KIF26A: variants seen among roughly 807,000 people sequenced by gnomAD.
KIF26A encodes the protein kinesin family member 26A, also known as kinesin-like protein KIF26A.
KIF26A carries 74 observed loss-of-function variants against 126.0 expected under a neutral mutation model. The observed-to-expected ratio is 0.59, with a 90% CI of 0.49 to 0.71. The LOEUF is 0.71. KIF26A is among the 30% of genes least tolerant of loss of function. The probability of loss-of-function intolerance (pLI) is 0.00; values close to 1 mark genes in which losing one functional copy is unlikely to be tolerated. For missense variants in KIF26A, 2,984 were observed against 2,763.3 expected (o/e 1.08, Z -1.79); for synonymous variants, 1,445 against 1,232.7 (o/e 1.17, Z -3.61).
At position 104,177,426 on chromosome 14, in the gene KIF26A, G is replaced by C. The variant is rs747733262; in HGVS notation, c.4638G>C (p.Ala1546=). The C allele has an allele frequency of 6.6e-7, 1 of 1,514,744 alleles. No homozygotes were observed. Among genetic ancestry groups the C allele is most frequent in the Non-Finnish European group, 8.8e-7 (1 of 1,135,388 alleles). The allele number at this position is 1,514,744 out of a possible 1,614,324, so 93.8% of individuals were successfully genotyped here. The change falls in exon 12 of 15, where the codon GCG becomes GCC. Residue 1546 remains alanine (A), a synonymous_variant. Coordinates refer to ENST00000423312, the MANE Select transcript of KIF26A (RefSeq NM_015656.2). ...CACGGGCCGGGCCCAGTGTCGGGGC[G>C]AAGGCTGGCCGGGGTACCGTCATGG... ...AAPRAGPSVG[A]KAGRGTVMGT...
intron 4 of KIF26A, among the ~76,000 whole-genome samples, chr14:104,164,071 C>T (rs2037857889): frequency 1.3e-5 from 2 of 152,266 alleles, no homozygotes; most frequent in Admixed American, 6.5e-5. Flanking sequence ...GGAGGAAAGC[C>T]GTCCCTGGGG....
At position 104,176,634 on chromosome 14, in the gene KIF26A, A is replaced by C; in HGVS notation, c.3846A>C (p.Arg1282Ser). Residue 1282 changes from arginine to serine, a missense_variant, in exon 12 of 15, where the codon AGA becomes AGC. Arg to Ser is a moderately radical substitution (Grantham distance 110). Coordinates refer to ENST00000423312, the MANE Select transcript of KIF26A (RefSeq NM_015656.2). ...AGGTGATGCTAGCCTGTGCCCAGAG[A>C]GTGGTGGACGGGTGTGAGGTGGCAG... ...EAQVMLACAQ[R>S]VVDGCEVAAR... 3 of 1,606,810 alleles carry C rather than the reference A, an allele frequency of 1.9e-6. No individual in the cohort carries two copies. In the South Asian group the frequency reaches 3.3e-5, roughly 18 times the overall value.
intron 7 of KIF26A, 105 bp from the exon 8 acceptor site, chr14:104,172,872 G>GGCCCCTGAGATCTCGGT: frequency 7.2e-7 from 1 of 1,394,226 alleles, no homozygotes; most frequent in Non-Finnish European, 9.5e-7. Context: ...GATCCAAAGA[G>GGCCCCTGAGATCTCGGT]GCCCCTGAGA....
At chr14:104,161,866 C>G (rs1490015656) in intron 4 of KIF26A, among the ~76,000 whole-genome samples, 2 of 152,212 alleles carry the variant, frequency 1.3e-5, no homozygotes, top group Non-Finnish European at 2.9e-5. Flanking sequence ...TTTTCTGAGT[C>G]TTCCCTTCAG....
At chr14:104,140,055 C>T (rs113016847) in intron 2 of KIF26A, among the ~76,000 whole-genome samples, 8 of 152,284 alleles carry the variant, frequency 5.3e-5, no homozygotes, top group African/African-American at 1.7e-4. Flanking sequence ...AGCCCGCTGC[C>T]GGGCCTTCAG....
intron 2 of KIF26A, among the ~76,000 whole-genome samples, chr14:104,147,941 A>G (rs1233350246): frequency 6.6e-6 from 1 of 152,138 alleles, no homozygotes; most frequent in Non-Finnish European, 1.5e-5. Flanking sequence ...ATGGGGACTC[A>G]GGGAGGGCCC....
At position 104,139,046 on chromosome 14, in the gene KIF26A, GC is replaced by G; in HGVS notation, c.48del (p.Glu17ArgfsTer191). The G allele has an allele frequency of 7.3e-7, 1 of 1,366,012 alleles. No homozygotes were observed. The highest frequency in any genetic ancestry group is 9.4e-7 in the Non-Finnish European group (1 of 1,068,422). The allele number at this position is 1,366,012 out of a possible 1,614,324, so 84.6% of individuals were successfully genotyped here. ...CTTCCGCCCCCACACCCTGCAGGTG[GC>G]CGAGGGCGGCCCGGCCCGCGAGCCG... ...VPLCAAQPAV[A>X]EGGPAREPPP... On this transcript the variant is annotated frameshift_variant, in exon 2 of 15. Transcript: ENST00000423312. LOFTEE classifies it high-confidence loss of function.
rs1389596151 is a variant in KIF26A, at chr14:104,175,390, C to T, written c.2602C>T (p.Gln868Ter). 2 of 1,597,036 alleles carry T rather than the reference C, an allele frequency of 1.3e-6. No individual in the cohort carries two copies. The highest frequency in any genetic ancestry group is 1.7e-6 in the Non-Finnish European group (2 of 1,176,618). ...SGGPGGTDGA[Q>*]ASPARGGRKP... The stretch of plus-strand genomic sequence containing the variant: ...AGGTCCAGGTGGCACCGACGGAGCT[C>T]AGGCCAGCCCCGCCCGAGGGGGCCG... Residue 868 changes from glutamine (Q) to a stop codon, truncating the protein, a stop_gained, in exon 12 of 15, where the codon CAG becomes TAG. Coordinates refer to ENST00000423312, the MANE Select transcript of KIF26A (RefSeq NM_015656.2). LOFTEE classifies it high-confidence loss of function.
In KIF26A at chr14:104,165,809, C is replaced by CTGTGTGCATG. The variant is rs2037891943; in HGVS notation, c.924-1044_924-1043insCATGTGTGTG. On this transcript the variant is annotated intron_variant, in intron 4 of 14. Coordinates refer to ENST00000423312, the MANE Select transcript of KIF26A (RefSeq NM_015656.2). ...TGTGTCTCTGTGTGCATATGTGTGTCTGTGTGTTTCTGTGTGCATGTGTGT... is the reference window on the plus strand; with the variant it reads ...TGTGTCTCTGTGTGCATATGTGTGTCTGTGTGCATGTGTGTGTTTCTGTGTGCATGTGTGT... 8.6e-5 allele frequency among the ~76,000 whole-genome samples: 13 copies of CTGTGTGCATG among 151,118 alleles called. No individual in the cohort carries two copies. In the South Asian group the frequency reaches 2.3e-3, roughly 27 times the overall value.
At chr14:104,154,326 C>T (rs568598186) in intron 3 of KIF26A, among the ~76,000 whole-genome samples, 14 of 152,240 alleles carry the variant, frequency 9.2e-5, no homozygotes, top group African/African-American at 3.1e-4. Flanking sequence ...ACTTTGGCCT[C>T]GGCCGAGGCT....
In KIF26A at chr14:104,166,867, A is replaced by G. The variant is rs770996286; in HGVS notation, c.932A>G (p.Gln311Arg). The G allele has an allele frequency of 3.2e-6, 5 of 1,575,030 alleles. No homozygotes were observed. The highest frequency in any genetic ancestry group is 4.3e-6 in the Non-Finnish European group (5 of 1,161,702). The change falls in exon 5 of 15, where the codon CAG becomes CGG. Residue 311 changes from glutamine (Q) to arginine (R), a missense_variant. Transcript: ENST00000423312. ...AAASFFIRAM[Q>R]KLSLASKRKK... ...CTGCCTCTCCTCCCCAGGGCTATGC[A>G]GAAGCTCAGCCTGGCCTCCAAGAGG...
chr14:104,178,612 C>A lies in KIF26A; in HGVS notation c.5173C>A (p.Pro1725Thr). 6.5e-7 allele frequency: 1 copy of A among 1,546,896 alleles called. No individual in the cohort carries two copies. The highest frequency in any genetic ancestry group is 8.7e-7 in the Non-Finnish European group (1 of 1,146,072). ...LPDTTALGRKPSLPGQWVDLP... is the reference protein window; with the variant it reads ...LPDTTALGRKTSLPGQWVDLP... ...CGACACCACTGCCCTGGGCCGTAAG[C>A]CCAGCCTCCCCGGGCAGTGGGTGGA... Residue 1725 changes from proline (P) to threonine (T), a missense_variant, in exon 13 of 15, where the codon CCC becomes ACC. Transcript: ENST00000423312.
chr14:104,162,837 G>T (rs1417604628), intron 4 of KIF26A, among the ~76,000 whole-genome samples: 3 of 152,138 alleles, frequency 2.0e-5, no homozygotes, highest in African/African-American at 7.2e-5. Context: ...CCTTATAGGG[G>T]CCACCGTGGG....
intron 1 of KIF26A, 124 bp downstream of exon 1, chr14:104,138,888 G>T: frequency 8.0e-7 from 1 of 1,244,014 alleles, no homozygotes; most frequent in Non-Finnish European, 1.0e-6. Flanking sequence ...ACCCGCAGGC[G>T]GGACCTCCGG....
At position 104,176,056 on chromosome 14, in the gene KIF26A, GCCC is replaced by G. The variant is rs1481626500; in HGVS notation, c.3270_3272del (p.Pro1091del). 3 of 1,595,950 alleles carry G rather than the reference GCCC, an allele frequency of 1.9e-6. No homozygotes were observed. The East Asian group carries it at 6.8e-5, about 36-fold the overall frequency. ...TGAGTTTGACGCCTACACCTCTCAG[GCCC>G]CTGAGGGGGGGCCCCTGGAGGGGGC... On this transcript the variant is annotated inframe_deletion, in exon 12 of 15. Transcript: ENST00000423312.
chr14:104,154,641 C>G (rs1460966312), intron 3 of KIF26A, among the ~76,000 whole-genome samples: 1 of 152,226 alleles, frequency 6.6e-6, no homozygotes, highest in Non-Finnish European at 1.5e-5. Context: ...GTCATGGGGC[C>G]CACCCCAGTG....
In KIF26A at chr14:104,179,964, A is replaced by G; in HGVS notation, c.*174A>G. On this transcript the variant is annotated 3_prime_UTR_variant, in exon 15 of 15. Coordinates refer to ENST00000423312, the MANE Select transcript of KIF26A (RefSeq NM_015656.2). ...GGAGGGAGGGCCGGCCACGCGGTGG[A>G]CAGAGCGAGGGTGCCAGGGTGACCA... 2 of 691,140 alleles carry G rather than the reference A, an allele frequency of 2.9e-6. No homozygotes were observed. Among genetic ancestry groups the G allele is most frequent in the Non-Finnish European group, 2.3e-6 (1 of 433,118 alleles). The allele number at this position is 691,140 out of a possible 1,614,324, so 42.8% of individuals were successfully genotyped here.
At position 104,152,696 on chromosome 14, in the gene KIF26A, C is replaced by G. The variant is rs879918981; in HGVS notation, c.735+235C>G. 6.6e-6 allele frequency among the ~76,000 whole-genome samples: 1 copy of G among 152,206 alleles called. No homozygotes were observed. Among genetic ancestry groups the G allele is most frequent in the Non-Finnish European group, 1.5e-5 (1 of 68,028 alleles). ...TCAGGGAATACCTTCTCTGGGAGCA[C>G]GTGCCCCTCCCTGTCTGTCTTTTGA... is the stretch of plus-strand genomic sequence containing the variant. On this transcript the variant is annotated intron_variant, in intron 3 of 14. Transcript: ENST00000423312. The surrounding 1 kb of genome is among the most constrained non-coding windows in gnomAD (Gnocchi z 5.9).
intron 3 of KIF26A, among the ~76,000 whole-genome samples, chr14:104,156,718 G>A (rs892072586): frequency 1.3e-5 from 2 of 152,180 alleles, no homozygotes; most frequent in South Asian, 2.1e-4. Context: ...GGGTCCCGGG[G>A]CGGCTTGTTC....
Sources: allele counts gnomAD v4.1 joint callset (sites outside exome capture counted in the v4.1 genomes callset), GRCh38; gene constraint gnomAD v4.1.1; non-coding constraint Gnocchi (gnomAD v3.1); transcripts MANE v1.5; gene names NCBI Gene and HGNC (gene_info 2026-07-23, HGNC 2026-07-21).